MTA3: variants seen among roughly 807,000 people sequenced by gnomAD.
MTA3 encodes the protein metastasis associated 1 family member 3, also known as metastasis-associated protein MTA3.
MTA3 carries 34 observed loss-of-function variants against 83.5 expected under a neutral mutation model. The ratio of observed to expected loss-of-function variants is 0.41; its 90% CI spans 0.31 to 0.54. The LOEUF is 0.54. MTA3 is among the 20% of genes least tolerant of loss of function. The pLI is 0.33. For synonymous variants in MTA3, 303 were observed against 252.7 expected, an observed-to-expected ratio of 1.20 and a Z score of -1.89; for missense variants, 761 against 726.4, an observed-to-expected ratio of 1.05 and a Z score of -0.55.
intron 2 of MTA3, 95 bp downstream of exon 2, chr2:42,570,599 C>A: frequency 3.2e-6 from 2 of 620,770 alleles, no homozygotes; most frequent in Non-Finnish European, 5.1e-6. Context: ...GGGGCTCATG[C>A]CTGCAATCCC....
upstream of MTA3, among the ~76,000 whole-genome samples, chr2:42,567,618 G>C (rs1224171524): frequency 6.6e-6 from 1 of 151,876 alleles, no homozygotes; most frequent in African/African-American, 2.4e-5. Context: ...GTGTTCATTT[G>C]GGGGATCGCC....
chr2:42,539,875 C>T (rs775647503), intron 2 of MTA3, among the ~76,000 whole-genome samples: 9 of 152,072 alleles, frequency 5.9e-5, no homozygotes, highest in Non-Finnish European at 1.0e-4. Flanking sequence ...TCCTGGATAG[C>T]ATTTTAAAGC....
At chr2:42,567,635 G>C (rs1291984766), upstream of MTA3, among the ~76,000 whole-genome samples, 1 of 151,326 alleles carries the variant, frequency 6.6e-6, no homozygotes, top group Non-Finnish European at 1.5e-5. Context: ...CGCCAGCTAA[G>C]ATTCAACGTT....
chr2:42,675,749 C>T (rs1691290833), intron 8 of MTA3, among the ~76,000 whole-genome samples: 1 of 152,058 alleles, frequency 6.6e-6, no homozygotes, highest in South Asian at 2.1e-4. Context: ...GTGTCTTTTC[C>T]TAGCTTATTT....
At chr2:42,554,514 C>G (rs115483871) in intron 2 of MTA3, among the ~76,000 whole-genome samples, 1 of 152,142 alleles carries the variant, frequency 6.6e-6, no homozygotes, top group Non-Finnish European at 1.5e-5. Flanking sequence ...GAAAAGGGCA[C>G]TTGTTCATGC....
chr2:42,501,524 T>C (rs1674394741), intron 2 of MTA3, among the ~76,000 whole-genome samples: 1 of 152,336 alleles, frequency 6.6e-6, no homozygotes, highest in African/African-American at 2.4e-5. Flanking sequence ...TGTAGCTTCA[T>C]TAAACTTAAC....
intron 3 of MTA3, among the ~76,000 whole-genome samples, chr2:42,594,728 ATTTT>A (rs1211133796): frequency 4.2e-5 from 1 of 24,042 alleles, no homozygotes; most frequent in African/African-American, 2.2e-4. Flanking sequence ...ATATATATAT[ATTTT>A]TTTTTTTTTT....
chr2:42,610,699 C>G (rs527715016), intron 4 of MTA3, among the ~76,000 whole-genome samples: 1 of 152,056 alleles, frequency 6.6e-6, no homozygotes, highest in African/African-American at 2.4e-5. Flanking sequence ...TTCTTACCCT[C>G]GGTCAGGAAA....
In MTA3 at chr2:42,756,145, C is replaced by T. The variant is rs1558648146; in HGVS notation, c.*2746C>T. ...GAGGTGGGGAACAACAACAGCAAGC[C>T]GCCCCCATCCTGAGACTGGCTGGGC... On this transcript the variant is annotated 3_prime_UTR_variant, in exon 17 of 17. Coordinates refer to ENST00000405094, the MANE Select transcript of MTA3 (RefSeq NM_001330442.2). The T allele has an allele frequency of 1.0e-5, 5 of 476,744 alleles. No individual in the cohort carries two copies. In the South Asian group the frequency reaches 2.6e-4, roughly 25 times the overall value. 29.5% of individuals were successfully genotyped at this position (476,744 alleles called of 1,614,324 possible).
At chr2:42,598,089 T>G (rs981739408) in intron 3 of MTA3, among the ~76,000 whole-genome samples, 6 of 152,086 alleles carry the variant, frequency 3.9e-5, no homozygotes, top group Admixed American at 2.6e-4. Flanking sequence ...TTTTGTTTTT[T>G]TGAGACAGAA....
At chr2:42,746,599 T>C (rs1487485021) in intron 16 of MTA3, among the ~76,000 whole-genome samples, 1 of 152,246 alleles carries the variant, frequency 6.6e-6, no homozygotes, top group Non-Finnish European at 1.5e-5. Context: ...CAGGCTGTTT[T>C]TCCTGTGATT....
At chr2:42,619,965 A>G (rs942802628) in intron 4 of MTA3, among the ~76,000 whole-genome samples, 2 of 152,210 alleles carry the variant, frequency 1.3e-5, no homozygotes, top group East Asian at 3.8e-4. Context: ...GCAAAGTAGT[A>G]TAATTTATTA....
chr2:42,686,720 G>A (rs967667271), intron 9 of MTA3, among the ~76,000 whole-genome samples: 13 of 152,020 alleles, frequency 8.6e-5, no homozygotes, highest in African/African-American at 3.1e-4. Flanking sequence ...CCAGTTACTC[G>A]ATAGACTGAG....
At position 42,704,209 on chromosome 2, in the gene MTA3, C is replaced by G. The variant is rs889694377; in HGVS notation, c.1041C>G (p.Pro347=). Residue 347 remains proline (P), a synonymous_variant, in exon 12 of 17, where the codon CCC becomes CCG. Transcript: ENST00000405094. ...VYIPTYSKPN[P]NQISTSNGKP... ...TCATTGAAAGCAGCAAACCAAATCC[C>G]AACCAAATATCCACTAGTAATGGGA... 2 of 1,613,874 alleles carry G rather than the reference C, an allele frequency of 1.2e-6. No individual in the cohort carries two copies. The highest frequency in any genetic ancestry group is 1.7e-6 in the Non-Finnish European group (2 of 1,179,824).
exon 1 of MTA3, chr2:42,494,627 C>T (rs1674045726): frequency 6.6e-6 from 1 of 152,374 alleles, no homozygotes. Context: ...GGCCCCGGCC[C>T]CCACGTTCTG....
chr2:42,508,098 C>G (rs1431670988), intron 2 of MTA3, among the ~76,000 whole-genome samples: 1 of 152,134 alleles, frequency 6.6e-6, no homozygotes, highest in African/African-American at 2.4e-5. Context: ...ACCTGCTGTT[C>G]CCTCTGCCTA....
At position 42,582,862 on chromosome 2, in the gene MTA3, A is replaced by G. The variant is rs929720763; in HGVS notation, c.190+3662A>G. On this transcript the variant is annotated intron_variant, in intron 3 of 16. Coordinates refer to ENST00000405094, the MANE Select transcript of MTA3 (RefSeq NM_001330442.2). Reference sequence around the variant, plus strand: ...GCATCAAGCAAATGATGTAGTAGCCATCATGCATTTTTTCTTTCATTTTTT... The same window carrying G: ...GCATCAAGCAAATGATGTAGTAGCCGTCATGCATTTTTTCTTTCATTTTTT... Among the ~76,000 whole-genome samples, 5 of 152,156 alleles carry G rather than the reference A, an allele frequency of 3.3e-5. No individual in the cohort carries two copies. In the South Asian group the frequency reaches 6.2e-4, roughly 19 times the overall value.
chr2:42,633,335 G>A (rs1481418207), intron 4 of MTA3, among the ~76,000 whole-genome samples: 1 of 151,564 alleles, frequency 6.6e-6, no homozygotes, highest in Non-Finnish European at 1.5e-5. Context: ...TGTAATCCCA[G>A]CAATTGGGGG....
chr2:42,667,592 G>A (rs866139297), intron 8 of MTA3, among the ~76,000 whole-genome samples: 2 of 130,134 alleles, frequency 1.5e-5, no homozygotes, highest in African/African-American at 6.0e-5. Context: ...GTGTGTGTGT[G>A]TGTGTGTGTG....
Sources: allele counts gnomAD v4.1 joint callset (sites outside exome capture counted in the v4.1 genomes callset), GRCh38; gene constraint gnomAD v4.1.1; transcripts MANE v1.5; gene names NCBI Gene and HGNC (gene_info 2026-07-23, HGNC 2026-07-21).